PEX7: variants seen among roughly 807,000 people sequenced by gnomAD.
PEX7 encodes the protein PTS2 receptor.
A neutral mutation model predicts 47.5 loss-of-function variants in PEX7; 34 were observed. The observed-to-expected ratio is 0.72, with a 90% CI of 0.54 to 0.95. The LOEUF (loss-of-function observed/expected upper bound fraction) is 0.95. Ranked by LOEUF, PEX7 falls within the 40% of genes least tolerant of loss-of-function variation. The probability of loss-of-function intolerance (pLI) is 0.00; values close to 1 mark genes in which losing one functional copy is unlikely to be tolerated. For synonymous variants in PEX7, 141 were observed against 148.8 expected (o/e 0.95, Z 0.38); for missense variants, 394 against 400.3 (o/e 0.98, Z 0.13).
intron 3 of PEX7, among the ~76,000 whole-genome samples, chr6:136,833,940 CAT>C (rs1207689089): frequency 6.6e-6 from 1 of 152,218 alleles, no homozygotes; most frequent in East Asian, 1.9e-4. Context: ...AAATAAGACT[CAT>C]GTGCTGTTCT....
At chr6:136,866,779 A>C in intron 6 of PEX7, 46 bp downstream of exon 6, 1 of 1,492,782 alleles carries the variant, frequency 6.7e-7, no homozygotes, top group Non-Finnish European at 9.3e-7. Flanking sequence ...TCCTAATGTT[A>C]AAATGTTCTG....
At chr6:136,827,186 A>G (rs1774210017) in intron 3 of PEX7, among the ~76,000 whole-genome samples, 1 of 152,192 alleles carries the variant, frequency 6.6e-6, no homozygotes, top group Non-Finnish European at 1.5e-5. Flanking sequence ...CCCTCAATAA[A>G]TGCTTATTAG....
At position 136,866,630 on chromosome 6, in the gene PEX7, A is replaced by G. The variant is rs1775076806; in HGVS notation, c.530A>G (p.Asp177Gly). 1 of 1,613,484 alleles carries G rather than the reference A, an allele frequency of 6.2e-7. No homozygotes were observed. Among genetic ancestry groups the G allele is most frequent in the African/African-American group, 1.3e-5 (1 of 74,892 alleles). Residue 177 changes from aspartate (D) to glycine (G), a missense_variant, in exon 6 of 10, where the codon GAT (aspartate) becomes GGT (glycine). Asp to Gly is a moderately conservative substitution (Grantham distance 94). Transcript: ENST00000318471. ...ATCAAGTCTTCCTTTTTACTAGGTG[A>G]TCAGACTCTGAGAATATGGGATGTG... ...IPGCFASASG[D>G]QTLRIWDVKA...
intron 8 of PEX7, among the ~76,000 whole-genome samples, chr6:136,885,154 T>C (rs888644047): frequency 2.0e-5 from 3 of 152,212 alleles, no homozygotes; most frequent in African/African-American, 4.8e-5. Flanking sequence ...AAAGCTGTTA[T>C]AATTCATAGT....
chr6:136,844,844 T>G (rs1049603144), intron 3 of PEX7, among the ~76,000 whole-genome samples: 1 of 152,222 alleles, frequency 6.6e-6, no homozygotes, highest in Admixed American at 6.5e-5. Flanking sequence ...TAAGCCCAGA[T>G]ACTCATACTT....
chr6:136,869,531 G>A (rs1478516492), intron 6 of PEX7, among the ~76,000 whole-genome samples: 1 of 152,130 alleles, frequency 6.6e-6, no homozygotes, highest in Admixed American at 6.5e-5. Context: ...ACCTTTTGAA[G>A]AGAAAGCTGG....
intron 5 of PEX7, among the ~76,000 whole-genome samples, chr6:136,865,207 T>G (rs1775040759): frequency 6.6e-6 from 1 of 152,164 alleles, no homozygotes; most frequent in African/African-American, 2.4e-5. Flanking sequence ...TCCCAGTACT[T>G]TGGGAGGCTG....
intron 5 of PEX7, among the ~76,000 whole-genome samples, chr6:136,858,589 T>A (rs931663923): frequency 2.6e-5 from 4 of 152,246 alleles, no homozygotes; most frequent in African/African-American, 9.6e-5. Context: ...GATACATTTT[T>A]AAATCCCAGC....
intron 3 of PEX7, among the ~76,000 whole-genome samples, chr6:136,832,751 G>A (rs537888586): frequency 2.0e-5 from 3 of 152,198 alleles, no homozygotes; most frequent in South Asian, 2.1e-4. Context: ...AAGCTTCCAC[G>A]GATCTCTAGG....
intron 3 of PEX7, among the ~76,000 whole-genome samples, chr6:136,839,590 A>G (rs1012453729): frequency 3.3e-5 from 5 of 152,202 alleles, no homozygotes; most frequent in Non-Finnish European, 7.3e-5. Context: ...CTTAAAGCAT[A>G]AAGTCAGGCA....
intron 3 of PEX7, 133 bp downstream of exon 3, chr6:136,826,602 A>C: frequency 9.9e-7 from 1 of 1,007,444 alleles, no homozygotes. Context: ...TACATACTAG[A>C]TGTCACTTAT....
chr6:136,882,464 C>T (rs975275205), intron 8 of PEX7, among the ~76,000 whole-genome samples: 21 of 152,030 alleles, frequency 1.4e-4, no homozygotes, highest in African/African-American at 5.1e-4. Context: ...AGGCGTGAGC[C>T]CCCGCACCTG....
intron 1 of PEX7, chr6:136,823,509 GATCAC>G: frequency 5.1e-6 from 1 of 196,756 alleles, no homozygotes; most frequent in Non-Finnish European, 9.2e-6. Flanking sequence ...AATGAGCTGA[GATCAC>G]ATCACTCTGC....
chr6:136,832,006 C>T (rs1270402083), intron 3 of PEX7, among the ~76,000 whole-genome samples: 1 of 152,254 alleles, frequency 6.6e-6, no homozygotes. Context: ...TAGGCAGTGC[C>T]CCAGTGGGGA....
chr6:136,823,539 C>G (rs998526182), intron 1 of PEX7, among the ~76,000 whole-genome samples: 3 of 152,090 alleles, frequency 2.0e-5, no homozygotes, highest in Non-Finnish European at 2.9e-5. Flanking sequence ...GCCCAGTGAG[C>G]TGAGATCACA....
chr6:136,894,578 A>G (rs1775613890), intron 8 of PEX7, among the ~76,000 whole-genome samples: 1 of 152,224 alleles, frequency 6.6e-6, no homozygotes, highest in African/African-American at 2.4e-5. Flanking sequence ...CGACAGAGTG[A>G]GACTCCATCT....
chr6:136,829,773 AC>A (rs1383686156), intron 3 of PEX7, among the ~76,000 whole-genome samples: 5 of 152,178 alleles, frequency 3.3e-5, no homozygotes, highest in Admixed American at 6.5e-5. Context: ...CCCCGCCTCT[AC>A]TAAAAATAAA....
intron 5 of PEX7, among the ~76,000 whole-genome samples, chr6:136,865,637 G>A (rs1041577112): frequency 3.9e-5 from 6 of 152,166 alleles, no homozygotes; most frequent in African/African-American, 1.4e-4. Flanking sequence ...AATTAGCTGG[G>A]CGTGGTAGCA....
At chr6:136,876,670 A>G (rs1775279748) in intron 8 of PEX7, among the ~76,000 whole-genome samples, 1 of 152,212 alleles carries the variant, frequency 6.6e-6, no homozygotes, top group South Asian at 2.1e-4. Flanking sequence ...ACATGAACTC[A>G]TCATTTTTTA....
Sources: gnomAD v4.1 joint callset for allele counts (sites outside exome capture counted in the v4.1 genomes callset) on GRCh38, gnomAD v4.1.1 for gene constraint, MANE v1.5 for transcripts, NCBI Gene and HGNC (gene_info 2026-07-23, HGNC 2026-07-21) for gene names.